Variants in NELL1 observed in about 807,000 individuals in gnomAD.
NELL1 encodes protein kinase C-binding protein NELL1.
In NELL1, 76 loss-of-function variants were observed where a neutral mutation model predicts 107.4. The observed-to-expected ratio is 0.71, with a 90% confidence interval of 0.59 to 0.86. The LOEUF (loss-of-function observed/expected upper bound fraction) is 0.86, where lower values mean the gene tolerates loss of function less well. Among genes scored for constraint, NELL1 ranks in the 40% least tolerant of loss-of-function variants. NELL1 has a pLI of 0.00. For missense variants in NELL1, 1,024 were observed against 1,005.5 expected (o/e 1.02, Z -0.25); for synonymous variants, 353 against 341.2 (o/e 1.03, Z -0.38).
intron 14 of NELL1, among the ~76,000 whole-genome samples, chr11:21,356,373 A>G (rs1178743036): frequency 6.6e-6 from 1 of 152,072 alleles, no homozygotes; most frequent in Non-Finnish European, 1.5e-5. Flanking sequence ...ATAGGGAGCT[A>G]GATAATTCTT....
chr11:21,332,932 T>C (rs1189338393), intron 14 of NELL1, among the ~76,000 whole-genome samples: 1 of 152,054 alleles, frequency 6.6e-6, no homozygotes, highest in Non-Finnish European at 1.5e-5. Context: ...ATAAGATGGT[T>C]TTGTGTGTCT....
chr11:20,805,444 T>G (rs548085890), intron 3 of NELL1, among the ~76,000 whole-genome samples: 148 of 152,344 alleles, frequency 9.7e-4, no homozygotes, highest in African/African-American at 3.5e-3. Context: ...TTTTAATTTC[T>G]TGCTTTTAAT....
rs182374094 is a variant in NELL1, at chr11:20,741,102, G to A, written c.185-42578G>A. Among the ~76,000 whole-genome samples the A allele has an allele frequency of 1.1e-3, 125 of 110,598 alleles. 1 individual carries two copies. The South Asian group carries it at 0.026, about 23-fold the overall frequency. 72.6% of individuals were successfully genotyped at this position (110,598 alleles called of 152,430 possible). A position where few individuals can be genotyped will look rare whatever the true frequency, so the allele number is the denominator to read the frequency against. ...TGGCCCCTCCCCCACCCCATCCCCCGTTTTAACTTTAAGAACAAAACCAAT... is the reference window on the plus strand; with the variant it reads ...TGGCCCCTCCCCCACCCCATCCCCCATTTTAACTTTAAGAACAAAACCAAT... On this transcript the variant is annotated intron_variant, in intron 2 of 19. Coordinates refer to ENST00000357134, the MANE Select transcript of NELL1 (RefSeq NM_006157.5).
intron 16 of NELL1, 121 bp downstream of exon 16, chr11:21,534,635 G>A: frequency 9.3e-7 from 1 of 1,078,358 alleles, no homozygotes; most frequent in Non-Finnish European, 1.3e-6. Flanking sequence ...AAATGCATCA[G>A]TTTTCAAATT....
At chr11:21,095,579 A>G (rs1854621918) in intron 12 of NELL1, among the ~76,000 whole-genome samples, 1 of 152,064 alleles carries the variant, frequency 6.6e-6, no homozygotes, top group Non-Finnish European at 1.5e-5. Context: ...CCTCACAATC[A>G]TGGCAGAAGG....
At chr11:21,385,774 C>T (rs530624197) in intron 15 of NELL1, among the ~76,000 whole-genome samples, 2 of 152,016 alleles carry the variant, frequency 1.3e-5, no homozygotes, top group South Asian at 2.1e-4. Context: ...ATCAATGACT[C>T]GCTCCGAGTA....
intron 12 of NELL1, among the ~76,000 whole-genome samples, chr11:21,060,080 A>G (rs1191189634): frequency 6.6e-6 from 1 of 152,186 alleles, no homozygotes; most frequent in African/African-American, 2.4e-5. Context: ...TTAGGTAAAT[A>G]GGACCTTGGT....
chr11:20,683,023 T>A (rs996287954), intron 2 of NELL1, among the ~76,000 whole-genome samples: 2 of 152,116 alleles, frequency 1.3e-5, no homozygotes, highest in Admixed American at 6.6e-5. Flanking sequence ...ACATTTAATG[T>A]GATTATTGAC....
intron 2 of NELL1, among the ~76,000 whole-genome samples, chr11:20,718,456 T>C (rs1266373348): frequency 1.9e-5 from 1 of 52,204 alleles, no homozygotes; most frequent in Admixed American, 3.2e-4. Flanking sequence ...CAGGGTTTAT[T>C]TATTCATTTT....
intron 14 of NELL1, among the ~76,000 whole-genome samples, chr11:21,366,592 C>G (rs922267226): frequency 1.3e-5 from 2 of 152,002 alleles, no homozygotes; most frequent in Non-Finnish European, 2.9e-5. Flanking sequence ...ATCCTTCTGC[C>G]TCTTCCACTT....
At chr11:21,326,049 G>GTT (rs35690119) in intron 14 of NELL1, among the ~76,000 whole-genome samples, 725 of 36,448 alleles carry the variant, frequency 0.02, 98 homozygotes, top group African/African-American at 0.026. Context: ...GTTAATCCTA[G>GTT]TTTTTTTTTT....
At chr11:21,560,845 T>G (rs552455365) in intron 17 of NELL1, among the ~76,000 whole-genome samples, 3 of 152,110 alleles carry the variant, frequency 2.0e-5, no homozygotes. Flanking sequence ...GACAGGTGGA[T>G]TTTCATTTTG....
intron 10 of NELL1, among the ~76,000 whole-genome samples, chr11:20,945,499 T>G (rs950362242): frequency 6.6e-6 from 1 of 152,204 alleles, no homozygotes; most frequent in Non-Finnish European, 1.5e-5. Context: ...AAAGCATTGA[T>G]AAACCTAGAG....
chr11:20,812,017 A>G (rs552720693), intron 3 of NELL1, among the ~76,000 whole-genome samples: 1 of 152,238 alleles, frequency 6.6e-6, no homozygotes, highest in South Asian at 2.1e-4. Flanking sequence ...CTTGTTCCAG[A>G]TTGTAGAGAG....
At chr11:21,442,801 GT>G (rs1181025691) in intron 15 of NELL1, among the ~76,000 whole-genome samples, 2 of 152,058 alleles carry the variant, frequency 1.3e-5, no homozygotes, top group African/African-American at 4.8e-5. Flanking sequence ...ATTTTGGAGA[GT>G]TTACCTAAGT....
intron 15 of NELL1, among the ~76,000 whole-genome samples, chr11:21,455,320 C>CTTTT (rs34607165): frequency 1.3e-5 from 1 of 77,216 alleles, no homozygotes; most frequent in Non-Finnish European, 2.3e-5. Flanking sequence ...TTCTTTTATT[C>CTTTT]TTTTTTTTTT....
At chr11:21,552,135 T>G (rs1351967872) in intron 16 of NELL1, among the ~76,000 whole-genome samples, 2 of 90,894 alleles carry the variant, frequency 2.2e-5, no homozygotes, top group Non-Finnish European at 4.1e-5. Context: ...TGGGGACTGT[T>G]GTGGGGTGGG....
At chr11:21,421,596 C>T (rs1243279392) in intron 15 of NELL1, among the ~76,000 whole-genome samples, 1 of 151,986 alleles carries the variant, frequency 6.6e-6, no homozygotes, top group African/African-American at 2.4e-5. Flanking sequence ...CCCTCACGTC[C>T]CCACCCCACA....
intron 14 of NELL1, among the ~76,000 whole-genome samples, chr11:21,262,879 C>A (rs149818493): frequency 2.6e-5 from 4 of 151,796 alleles, no homozygotes; most frequent in Non-Finnish European, 5.9e-5. Context: ...CTTTCTTTTT[C>A]TAGCTTTCCT....
Sources: allele counts gnomAD v4.1 joint callset (sites outside exome capture counted in the v4.1 genomes callset), GRCh38; gene constraint gnomAD v4.1.1; transcripts MANE v1.5; gene names NCBI Gene and HGNC (gene_info 2026-07-23, HGNC 2026-07-21).